The following GLTP variants were observed in gnomAD, a reference collection of about 807,000 sequenced individuals.
The protein encoded by GLTP is glycolipid transfer protein.
A neutral mutation model predicts 24.0 loss-of-function variants in GLTP; 22 were observed. The ratio of observed to expected loss-of-function variants is 0.92; its 90% CI spans 0.65 to 1.31. GLTP has a LOEUF of 1.31. Among genes scored for constraint, GLTP ranks in the 50% most tolerant of loss-of-function variants. The probability of loss-of-function intolerance (pLI) is 0.00; values close to 1 mark genes in which losing one functional copy is unlikely to be tolerated. For missense variants in GLTP, 224 were observed against 276.6 expected, an observed-to-expected ratio of 0.81 and a Z score of 1.35; for synonymous variants, 92 against 115.9, an observed-to-expected ratio of 0.79 and a Z score of 1.33.
intron 1 of GLTP, chr12:109,860,426 T>G: frequency 4.8e-6 from 1 of 209,750 alleles, no homozygotes; most frequent in Non-Finnish European, 1.0e-5. Context: ...TGCACCTATG[T>G]GTGTTTTTAA....
intron 1 of GLTP, among the ~76,000 whole-genome samples, chr12:109,872,269 T>G (rs1565900458): frequency 6.6e-6 from 1 of 152,084 alleles, no homozygotes. Flanking sequence ...TTTCCAAAGG[T>G]AGGATGGATG....
At chr12:109,873,467 T>C (rs1027394842) in intron 1 of GLTP, among the ~76,000 whole-genome samples, 2 of 151,934 alleles carry the variant, frequency 1.3e-5, no homozygotes, top group African/African-American at 4.8e-5. Flanking sequence ...ACCCTGTCTC[T>C]AGTGAAAATA....
In GLTP at chr12:109,855,200, G is replaced by A. The variant is rs1305704107; in HGVS notation, c.447+419C>T. On this transcript the variant is annotated intron_variant, in intron 4 of 4. Coordinates refer to ENST00000318348, the MANE Select transcript of GLTP (RefSeq NM_016433.4). The surrounding 1 kb of genome is among the most constrained non-coding windows in gnomAD (Gnocchi z 4.1). ...AACACAAGCCACCAAGAACCCAGAG[G>A]GCCGGTGTCCTTTCAGCAGATGCTC... Among the ~76,000 whole-genome samples the A allele has an allele frequency of 6.6e-6, 1 of 152,192 alleles. No homozygotes were observed. The highest frequency in any genetic ancestry group is 2.4e-5 in the African/African-American group (1 of 41,456).
intron 1 of GLTP, among the ~76,000 whole-genome samples, chr12:109,864,782 A>G (rs543904838): frequency 6.6e-6 from 1 of 152,314 alleles, no homozygotes; most frequent in Admixed American, 6.5e-5. Context: ...AGGAAACCAG[A>G]AGACGATTTT....
intron 1 of GLTP, among the ~76,000 whole-genome samples, chr12:109,875,418 A>T (rs541986400): frequency 2.0e-5 from 3 of 152,176 alleles, no homozygotes; most frequent in Non-Finnish European, 4.4e-5. Flanking sequence ...AACCATTCAC[A>T]AAGGCTAAAG....
At chr12:109,862,501 T>C (rs1417151495) in intron 1 of GLTP, among the ~76,000 whole-genome samples, 1 of 152,108 alleles carries the variant, frequency 6.6e-6, no homozygotes, top group African/African-American at 2.4e-5. Flanking sequence ...GCAGGTGCCA[T>C]GGATGGGCTA....
chr12:109,865,322 A>C (rs987317238), intron 1 of GLTP, among the ~76,000 whole-genome samples: 3 of 151,918 alleles, frequency 2.0e-5, no homozygotes, highest in East Asian at 1.9e-4. Context: ...TCTTCTTCTT[A>C]TTTTTTAATA....
intron 1 of GLTP, among the ~76,000 whole-genome samples, chr12:109,874,412 G>A (rs576550484): frequency 1.3e-5 from 2 of 152,226 alleles, no homozygotes; most frequent in East Asian, 1.9e-4. Flanking sequence ...TATTTAATGC[G>A]TGCCGGATAC....
At position 109,857,773 on chromosome 12, in the gene GLTP, G is replaced by T; in HGVS notation, c.163-114C>A. ...ATCTCCTGCTCCTTCCTGCCCTCCAGGAACAGCAGGGATAAGACTTGTAAC... is the reference window on the plus strand; with the variant it reads ...ATCTCCTGCTCCTTCCTGCCCTCCATGAACAGCAGGGATAAGACTTGTAAC... On this transcript the variant is annotated intron_variant, in intron 2 of 4. Coordinates refer to ENST00000318348, the MANE Select transcript of GLTP (RefSeq NM_016433.4). This position sits in a 1 kb window ranked among gnomAD's most constrained non-coding sequence, Gnocchi z 4.3. 1.0e-6 allele frequency: 1 copy of T among 1,004,846 alleles called. No homozygotes were observed. Among genetic ancestry groups the T allele is most frequent in the South Asian group, 1.3e-5 (1 of 75,580 alleles). 62.2% of individuals were successfully genotyped at this position (1,004,846 alleles called of 1,614,324 possible).
chr12:109,876,644 GAAGGA>G (rs1868892195), intron 1 of GLTP, among the ~76,000 whole-genome samples: 1 of 147,880 alleles, frequency 6.8e-6, no homozygotes, highest in Admixed American at 6.7e-5. Flanking sequence ...AGAAAAGAAA[GAAGGA>G]AAGGAAGGAA....
chr12:109,873,092 C>T lies in GLTP; in HGVS notation c.103+7180G>A, dbSNP rs115444497. ...AGTGTATTTCATGTGTGGCCCAAGA[C>T]AATTCTTCCAGTGTGGCCCTGGGAA... is the stretch of plus-strand genomic sequence containing the variant. On this transcript the variant is annotated intron_variant, in intron 1 of 4. Transcript: ENST00000318348. Among the ~76,000 whole-genome samples the T allele has an allele frequency of 8.3e-3, 1,257 of 152,172 alleles. 22 individuals carry two copies. The highest frequency in any genetic ancestry group is 0.028 in the African/African-American group (1,181 of 41,514).
At chr12:109,854,760 G>A (rs1892774649) in intron 4 of GLTP, among the ~76,000 whole-genome samples, 1 of 152,198 alleles carries the variant, frequency 6.6e-6, no homozygotes, top group African/African-American at 2.4e-5. Context: ...GGGGCCCATG[G>A]GAATGGGCCC....
At chr12:109,878,792 G>A (rs1868964833) in intron 1 of GLTP, among the ~76,000 whole-genome samples, 1 of 152,190 alleles carries the variant, frequency 6.6e-6, no homozygotes, top group South Asian at 2.1e-4. Flanking sequence ...ACTGTTCTGG[G>A]CACTGAGGAC....
chr12:109,866,675 G>A, intron 1 of GLTP, among the ~76,000 whole-genome samples: 1 of 151,936 alleles, frequency 6.6e-6, no homozygotes, highest in East Asian at 1.9e-4. Context: ...GCCCAGAAAT[G>A]TCACTGGTCC....
intron 1 of GLTP, among the ~76,000 whole-genome samples, chr12:109,870,912 A>G (rs1408521887): frequency 6.6e-6 from 1 of 152,096 alleles, no homozygotes; most frequent in Non-Finnish European, 1.5e-5. Context: ...GGGCTGATCC[A>G]CTGCAATGAC....
intron 1 of GLTP, among the ~76,000 whole-genome samples, chr12:109,864,517 T>G (rs1279013214): frequency 6.6e-6 from 1 of 152,156 alleles, no homozygotes; most frequent in Non-Finnish European, 1.5e-5. Flanking sequence ...CTGTATATGG[T>G]TGGGCTGAAG....
At chr12:109,868,849 G>A (rs1868624109) in intron 1 of GLTP, among the ~76,000 whole-genome samples, 1 of 152,140 alleles carries the variant, frequency 6.6e-6, no homozygotes. Flanking sequence ...TTATTAATCT[G>A]GGGGTGCGGG....
intron 1 of GLTP, among the ~76,000 whole-genome samples, chr12:109,870,389 C>T (rs944577999): frequency 2.0e-5 from 3 of 151,922 alleles, no homozygotes; most frequent in Admixed American, 6.6e-5. Context: ...TTGCTTGAAC[C>T]TAGGGGGAGG....
At position 109,880,212 on chromosome 12, in the gene GLTP, GA is replaced by G; in HGVS notation, c.103+59del. ...AGAGATGGTTAGGGGATGCTCGGGG[GA>G]AGGAGGATTCGGGTGCGCGTGGGGC... On this transcript the variant is annotated intron_variant, in intron 1 of 4. Transcript: ENST00000318348. The surrounding 1 kb of genome is among the most constrained non-coding windows in gnomAD (Gnocchi z 5.1). 1.0e-6 allele frequency: 1 copy of G among 992,098 alleles called. No individual in the cohort carries two copies. Among genetic ancestry groups the G allele is most frequent in the Non-Finnish European group, 1.6e-6 (1 of 644,216 alleles). 61.5% of individuals were successfully genotyped at this position (992,098 alleles called of 1,614,324 possible).
Sources: gnomAD v4.1 joint callset for allele counts (sites outside exome capture counted in the v4.1 genomes callset) on GRCh38, gnomAD v4.1.1 for gene constraint, Gnocchi (gnomAD v3.1) non-coding constraint, MANE v1.5 for transcripts, NCBI Gene and HGNC (gene_info 2026-07-23, HGNC 2026-07-21) for gene names.